Variants in SERINC2 observed in about 807,000 individuals in gnomAD.
SERINC2 encodes serine incorporator 2, also known as tumor differentially expressed protein 2.
In SERINC2, 56 loss-of-function variants were observed where a neutral mutation model predicts 54.2. The observed-to-expected ratio is 1.03, with a 90% CI of 0.83 to 1.29. SERINC2 has a LOEUF of 1.29. Ranked by LOEUF, SERINC2 falls within the 50% of genes most tolerant of loss-of-function variation. SERINC2 has a pLI of 0.00. For synonymous variants in SERINC2, 272 were observed against 253.1 expected (o/e 1.07, Z -0.71); for missense variants, 614 against 607.4 (o/e 1.01, Z -0.12).
In SERINC2 at chr1:31,413,729, C is replaced by A. The variant is rs1271259715; in HGVS notation, c.39+425C>A. ...TCTGTGTAGGTCGCCCGGGCCCCGTCCCTCCTGGCGAGTGCCCTGCCCTAC... is the reference window on the plus strand; with the variant it reads ...TCTGTGTAGGTCGCCCGGGCCCCGTACCTCCTGGCGAGTGCCCTGCCCTAC... On this transcript the variant is annotated intron_variant, in intron 1 of 9. Coordinates refer to ENST00000373709, the MANE Select transcript of SERINC2 (RefSeq NM_178865.5). The surrounding 1 kb of genome is among the most constrained non-coding windows in gnomAD (Gnocchi z 5.0). 4.6e-6 allele frequency: 6 copies of A among 1,300,670 alleles called. No homozygotes were observed. The African/African-American group carries it at 4.6e-5, about 10-fold the overall frequency. 80.6% of individuals were successfully genotyped at this position (1,300,670 alleles called of 1,614,324 possible).
intron 6 of SERINC2, among the ~76,000 whole-genome samples, chr1:31,428,482 G>A (rs1282679502): frequency 1.3e-5 from 2 of 152,190 alleles, no homozygotes; most frequent in African/African-American, 4.8e-5. Flanking sequence ...AAGAGGGTGT[G>A]GGCTGAAAGG....
intron 8 of SERINC2, among the ~76,000 whole-genome samples, chr1:31,431,713 G>A (rs1462224360): frequency 1.3e-5 from 2 of 152,082 alleles, no homozygotes; most frequent in South Asian, 2.1e-4. Context: ...CCCAATCTGG[G>A]CTCCCATGCA....
At chr1:31,414,824 G>A (rs1640746043) in intron 1 of SERINC2, 1 of 973,574 alleles carries the variant, frequency 1.0e-6, no homozygotes, top group Admixed American at 6.2e-5. Flanking sequence ...GAGATGTTGA[G>A]GGGCAGCCTG....
chr1:31,428,070 C>T (rs948669609), intron 6 of SERINC2, among the ~76,000 whole-genome samples: 1 of 151,464 alleles, frequency 6.6e-6, no homozygotes, highest in Non-Finnish European at 1.5e-5. Flanking sequence ...GAATCTTGCT[C>T]TGTCACTTAG....
intron 1 of SERINC2, among the ~76,000 whole-genome samples, chr1:31,422,130 C>A (rs1640916098): frequency 6.6e-6 from 1 of 151,936 alleles, no homozygotes; most frequent in African/African-American, 2.4e-5. Context: ...GAAACTCCGT[C>A]TCTACAAAAA....
rs1433540510 is a variant in SERINC2 at position 31,413,726 on chromosome 1, C to A, written c.39+422C>A. 6.1e-6 allele frequency: 8 copies of A among 1,320,164 alleles called. No individual in the cohort carries two copies. In the East Asian group the frequency reaches 2.0e-4, roughly 33 times the overall value. 81.8% of individuals were successfully genotyped at this position (1,320,164 alleles called of 1,614,324 possible). A position where few individuals can be genotyped will look rare whatever the true frequency, so the allele number is the denominator to read the frequency against. On this transcript the variant is annotated intron_variant, in intron 1 of 9. Coordinates refer to ENST00000373709, the MANE Select transcript of SERINC2 (RefSeq NM_178865.5). This position sits in a 1 kb window ranked among gnomAD's most constrained non-coding sequence, Gnocchi z 5.0. ...TTCTCTGTGTAGGTCGCCCGGGCCC[C>A]GTCCCTCCTGGCGAGTGCCCTGCCC...
rs6661466 is a variant in SERINC2, at chr1:31,434,663, G to A, written c.*464G>A. 0.062 allele frequency: 11,108 copies of A among 178,812 alleles called. 1,260 individuals are homozygous for A. Among genetic ancestry groups the A allele is most frequent in the African/African-American group, 0.24 (10,226 of 42,458 alleles). The allele number at this position is 178,812 out of a possible 1,614,324, so 11.1% of individuals were successfully genotyped here. On this transcript the variant is annotated 3_prime_UTR_variant, in exon 10 of 10. Coordinates refer to ENST00000373709, the MANE Select transcript of SERINC2 (RefSeq NM_178865.5). Reference sequence around the variant, plus strand: ...CTCTAAGACTTTTTCTAATAAACAAGCCAGTGCGTGTACCATGTTCTGTGC... The same window carrying A: ...CTCTAAGACTTTTTCTAATAAACAAACCAGTGCGTGTACCATGTTCTGTGC...
Position 31,433,158 on chromosome 1 carries a change from T to A in SERINC2, c.1205T>A (p.Val402Asp). ...TGCCTGGTGCTGGCCTCACTGCACGTCATGATGACGCTCACCAACTGGTAC... is the reference window on the plus strand; with the variant it reads ...TGCCTGGTGCTGGCCTCACTGCACGACATGATGACGCTCACCAACTGGTAC... Reference protein sequence around the residue: ...HFCLVLASLHVMMTLTNWYKP... With the variant: ...HFCLVLASLHDMMTLTNWYKP... Residue 402 changes from valine to aspartate, a missense_variant, in exon 9 of 10, where the codon GTC (valine) becomes GAC (aspartate). Physicochemically the swap from Val to Asp is radical, Grantham distance 152. Coordinates refer to ENST00000373709, the MANE Select transcript of SERINC2 (RefSeq NM_178865.5). 3 of 1,613,674 alleles carry A rather than the reference T, an allele frequency of 1.9e-6. No homozygotes were observed. Among genetic ancestry groups the A allele is most frequent in the Non-Finnish European group, 2.5e-6 (3 of 1,179,926 alleles).
upstream of SERINC2, chr1:31,410,255 A>G (rs1570014267): frequency 1.0e-5 from 15 of 1,481,034 alleles, no homozygotes; most frequent in East Asian, 3.7e-4. Flanking sequence ...AGGAGGTTCA[A>G]ATCTGGGAGT....
chr1:31,413,746 C>G lies in SERINC2; in HGVS notation c.39+442C>G. 7.4e-7 allele frequency: 1 copy of G among 1,359,716 alleles called. No individual in the cohort carries two copies. The highest frequency in any genetic ancestry group is 9.4e-7 in the Non-Finnish European group (1 of 1,062,752). 84.2% of individuals were successfully genotyped at this position (1,359,716 alleles called of 1,614,324 possible). A position where few individuals can be genotyped will look rare whatever the true frequency, so the allele number is the denominator to read the frequency against. Reference sequence around the variant, plus strand: ...GGCCCCGTCCCTCCTGGCGAGTGCCCTGCCCTACCCCTCTGGCCGCCTGCC... The same window carrying G: ...GGCCCCGTCCCTCCTGGCGAGTGCCGTGCCCTACCCCTCTGGCCGCCTGCC... On this transcript the variant is annotated intron_variant, in intron 1 of 9. Coordinates refer to ENST00000373709, the MANE Select transcript of SERINC2 (RefSeq NM_178865.5). The surrounding 1 kb of genome is among the most constrained non-coding windows in gnomAD (Gnocchi z 5.0).
chr1:31,412,018 A>G (rs1640658497), upstream of SERINC2, among the ~76,000 whole-genome samples: 2 of 150,994 alleles, frequency 1.3e-5, no homozygotes, highest in African/African-American at 4.9e-5. Flanking sequence ...AAAAAAAAAA[A>G]AAAAAAAAAG....
At chr1:31,432,174 T>TGGACAGGGTGGAC (rs1641306916) in intron 8 of SERINC2, among the ~76,000 whole-genome samples, 1 of 24,320 alleles carries the variant, frequency 4.1e-5, no homozygotes, top group Non-Finnish European at 1.5e-4. Context: ...ATAGGGTGGA[T>TGGACAGGGTGGAC]AGGGTGGATA....
At chr1:31,410,356 G>T, upstream of SERINC2, 3 of 1,547,840 alleles carry the variant, frequency 1.9e-6, no homozygotes, top group Non-Finnish European at 1.7e-6. Flanking sequence ...CAGATAGCTG[G>T]GGTAAAAAAA....
intron 8 of SERINC2, among the ~76,000 whole-genome samples, chr1:31,432,048 C>CAGGATGGTT: frequency 5.7e-5 from 1 of 17,488 alleles, no homozygotes; most frequent in East Asian, 2.2e-3. Flanking sequence ...ACAGGGTGGA[C>CAGGATGGTT]AGGGTGGACA....
chr1:31,411,891 C>G (rs1640654890), upstream of SERINC2, among the ~76,000 whole-genome samples: 1 of 149,228 alleles, frequency 6.7e-6, no homozygotes, highest in African/African-American at 2.5e-5. Context: ...GTCACAGCTA[C>G]TTGGGAGGCT....
Position 31,413,715 on chromosome 1 carries a change from C to T in SERINC2, c.39+411C>T, listed in dbSNP as rs1424471148. 1.9e-5 allele frequency: 25 copies of T among 1,287,532 alleles called. No homozygotes were observed. The highest frequency in any genetic ancestry group is 1.8e-5 in the Non-Finnish European group (18 of 1,011,820). The allele number at this position is 1,287,532 out of a possible 1,614,324, so 79.8% of individuals were successfully genotyped here. On this transcript the variant is annotated intron_variant, in intron 1 of 9. Transcript: ENST00000373709. The surrounding 1 kb of genome is among the most constrained non-coding windows in gnomAD (Gnocchi z 5.0). ...GGACGCCCTGGTTCTCTGTGTAGGT[C>T]GCCCGGGCCCCGTCCCTCCTGGCGA...
intron 8 of SERINC2, among the ~76,000 whole-genome samples, chr1:31,431,832 T>TAGGGTGGACAGGGTGGAC (rs1641231370): frequency 3.6e-5 from 1 of 28,046 alleles, no homozygotes; most frequent in Non-Finnish European, 1.2e-4. Flanking sequence ...ATAGGGTGGA[T>TAGGGTGGACAGGGTGGAC]AGGGTGGATA....
Position 31,429,447 on chromosome 1 carries a change from G to T in SERINC2, c.922G>T (p.Val308Leu), listed in dbSNP as rs1553134131. The T allele has an allele frequency of 6.2e-7, 1 of 1,613,974 alleles. No homozygotes were observed. The highest frequency in any genetic ancestry group is 1.3e-5 in the African/African-American group (1 of 75,062). ...LPTQLGNETV[V>L]AGPEGYETQW... ...AACCCAGCTGGGCAACGAGACAGTT[G>T]TGGCAGGCCCCGAGGGCTATGAGAC... The change falls in exon 8 of 10, where the codon GTG becomes TTG. Residue 308 changes from valine (V) to leucine (L), a missense_variant. Coordinates refer to ENST00000373709, the MANE Select transcript of SERINC2 (RefSeq NM_178865.5).
chr1:31,421,946 T>C (rs984418605), intron 1 of SERINC2, among the ~76,000 whole-genome samples: 4 of 152,212 alleles, frequency 2.6e-5, no homozygotes, highest in Non-Finnish European at 5.9e-5. Context: ...TTCCTCCCTT[T>C]GGTCTGGCAG....
Sources: allele counts gnomAD v4.1 joint callset (sites outside exome capture counted in the v4.1 genomes callset), GRCh38; gene constraint gnomAD v4.1.1; non-coding constraint Gnocchi (gnomAD v3.1); transcripts MANE v1.5; gene names NCBI Gene and HGNC (gene_info 2026-07-23, HGNC 2026-07-21).